The following PLCE1 variants were observed in gnomAD, a reference collection of about 807,000 sequenced individuals.
PLCE1 encodes phospholipase C epsilon 1, also known as 1-phosphatidylinositol 4,5-bisphosphate phosphodiesterase epsilon-1.
In PLCE1, 119 loss-of-function variants were observed where a neutral mutation model predicts 242.8. That is an observed-to-expected ratio of 0.49 (90% CI 0.42 to 0.57). The LOEUF (loss-of-function observed/expected upper bound fraction) is 0.57. Ranked by LOEUF, PLCE1 falls within the 20% of genes least tolerant of loss-of-function variation. The probability of loss-of-function intolerance (pLI) is 0.00; values close to 1 mark genes in which losing one functional copy is unlikely to be tolerated. For missense variants in PLCE1, 2,441 were observed against 2,788.8 expected (o/e 0.88, Z 2.81); for synonymous variants, 945 against 1,017.4 (o/e 0.93, Z 1.35).
chr10:94,322,481 T>C (rs906478551), intron 30 of PLCE1, among the ~76,000 whole-genome samples: 1 of 152,010 alleles, frequency 6.6e-6, no homozygotes, highest in African/African-American at 2.4e-5. Context: ...CAAAACCCTG[T>C]CTTTACAAAA....
intron 11 of PLCE1, among the ~76,000 whole-genome samples, chr10:94,255,910 ACACACT>A (rs1434964013): frequency 6.5e-5 from 6 of 91,964 alleles, no homozygotes; most frequent in East Asian, 7.6e-4. Context: ...ACACACACAC[ACACACT>A]CTCTCTCTCT....
chr10:94,231,990 T>C (rs1402814567), intron 5 of PLCE1, among the ~76,000 whole-genome samples: 1 of 152,224 alleles, frequency 6.6e-6, no homozygotes, highest in East Asian at 1.9e-4. Flanking sequence ...TACCATGTGA[T>C]ACTATTTACA....
chr10:94,041,431 A>G (rs781482669), intron 2 of PLCE1, among the ~76,000 whole-genome samples: 2 of 151,988 alleles, frequency 1.3e-5, no homozygotes, highest in Non-Finnish European at 2.9e-5. Flanking sequence ...AAACCCAGCA[A>G]TCCATGCTTG....
At chr10:94,271,307 T>A (rs1225976290) in intron 18 of PLCE1, among the ~76,000 whole-genome samples, 2 of 54,198 alleles carry the variant, frequency 3.7e-5, no homozygotes, top group Admixed American at 1.6e-4. Flanking sequence ...GAAGATCATC[T>A]TTTTTTTTTT....
chr10:94,151,261 G>T (rs1242199594), intron 3 of PLCE1, among the ~76,000 whole-genome samples: 1 of 152,076 alleles, frequency 6.6e-6, no homozygotes, highest in Non-Finnish European at 1.5e-5. Flanking sequence ...GTTCCATAAG[G>T]ACTCCCCTTG....
intron 3 of PLCE1, among the ~76,000 whole-genome samples, chr10:94,161,697 A>C (rs2047619443): frequency 6.6e-6 from 1 of 152,172 alleles, no homozygotes; most frequent in Non-Finnish European, 1.5e-5. Context: ...ACTATTTTGA[A>C]TATGAGTGGT....
intron 4 of PLCE1, among the ~76,000 whole-genome samples, chr10:94,176,113 T>A (rs1590186144): frequency 6.6e-6 from 1 of 152,108 alleles, no homozygotes; most frequent in Non-Finnish European, 1.5e-5. Flanking sequence ...AAGACATACT[T>A]ATTGGCTGGG....
At position 94,331,002 on chromosome 10, in the gene PLCE1, G is replaced by A. The variant is rs750356564; in HGVS notation, c.*3059G>A. ...AGCATCACTGAAAGTGAAGAGAAAGGAGCATGAATTCTGTCACTCTATTCA... is the reference window on the plus strand; with the variant it reads ...AGCATCACTGAAAGTGAAGAGAAAGAAGCATGAATTCTGTCACTCTATTCA... On this transcript the variant is annotated 3_prime_UTR_variant, in exon 33 of 33. Coordinates refer to ENST00000371380, the MANE Select transcript of PLCE1 (RefSeq NM_016341.4). The A allele has an allele frequency of 6.6e-6, 1 of 152,194 alleles. No individual in the cohort carries two copies. The highest frequency in any genetic ancestry group is 1.5e-5 in the Non-Finnish European group (1 of 68,034). The allele number at this position is 152,194 out of a possible 1,614,324, so 9.4% of individuals were successfully genotyped here.
chr10:94,171,264 A>C lies in PLCE1; in HGVS notation c.1577A>C (p.Gln526Pro). Reference protein sequence around the residue: ...AGISKELIDLQPLIQFPEEVA... With the variant: ...AGISKELIDLPPLIQFPEEVA... Reference sequence around the variant, plus strand: ...ATCAGCAAGGAGCTGATCGATCTGCAGCCTCTCATCCAGTTCCCAGAGGAA... The same window carrying C: ...ATCAGCAAGGAGCTGATCGATCTGCCGCCTCTCATCCAGTTCCCAGAGGAA... Residue 526 changes from glutamine to proline, a missense_variant, in exon 4 of 33, where the codon CAG becomes CCG. Transcript: ENST00000371380. 1 of 1,614,178 alleles carries C rather than the reference A, an allele frequency of 6.2e-7. No individual in the cohort carries two copies. The highest frequency in any genetic ancestry group is 2.2e-5 in the East Asian group (1 of 44,872).
At chr10:94,093,944 T>TC (rs1236778446) in intron 2 of PLCE1, among the ~76,000 whole-genome samples, 1 of 130,938 alleles carries the variant, frequency 7.6e-6, no homozygotes, top group African/African-American at 3.2e-5. Context: ...CTTTTTTTTT[T>TC]TTTTTTTTTT....
At position 94,254,965 on chromosome 10, in the gene PLCE1, C is replaced by T. The variant is rs768610934; in HGVS notation, c.3470C>T (p.Ser1157Phe). The change falls in exon 11 of 33, where the codon TCC becomes TTC. Residue 1157 changes from serine to phenylalanine, a missense_variant. By Grantham distance (155) the Ser-to-Phe change is radical. Around this residue, in one of 5 missense-constraint regions of PLCE1, gnomAD observed 1,004 missense variants for 1,322.7 expected, o/e 0.76. Transcript: ENST00000371380. ...GCCCACTCTTTGACCACAGCTGGGT[C>T]CCCCAACTTGGCTGCCGGGACGTCA... is the stretch of plus-strand genomic sequence containing the variant. ...RRAHSLTTAGSPNLAAGTSSP... is the reference protein window; with the variant it reads ...RRAHSLTTAGFPNLAAGTSSP... 1.4e-5 allele frequency: 22 copies of T among 1,614,124 alleles called. No individual in the cohort carries two copies. Among genetic ancestry groups the T allele is most frequent in the Non-Finnish European group, 1.8e-5 (21 of 1,179,986 alleles).
rs2060828818 is a variant in PLCE1 at position 93,996,607 on chromosome 10, ACT to A, written c.-365+2356_-365+2357del. Among the ~76,000 whole-genome samples the A allele has an allele frequency of 3.3e-5, 5 of 152,180 alleles. 1 individual carries two copies. The highest frequency in any genetic ancestry group is 1.2e-4 in the African/African-American group (5 of 41,530). On this transcript the variant is annotated intron_variant, in intron 1 of 32. Transcript: ENST00000371380. ...CATGTGGCCTACAAAGAAGGGCAGA[ACT>A]CTCTCTAGCATCATGTGTTCCTCTC...
intron 3 of PLCE1, among the ~76,000 whole-genome samples, chr10:94,168,056 A>T (rs2136289249): frequency 6.6e-6 from 1 of 152,284 alleles, no homozygotes; most frequent in South Asian, 2.1e-4. Flanking sequence ...TATTCACCAG[A>T]AACTTTCTAA....
chr10:94,161,743 A>G (rs984208971), intron 3 of PLCE1, among the ~76,000 whole-genome samples: 29 of 152,322 alleles, frequency 1.9e-4, no homozygotes, highest in African/African-American at 7.0e-4. Flanking sequence ...CAGTTTTCAA[A>G]GGGAATGCTT....
chr10:94,001,264 C>T (rs2060925361), intron 1 of PLCE1, among the ~76,000 whole-genome samples: 1 of 152,326 alleles, frequency 6.6e-6, no homozygotes, highest in South Asian at 2.1e-4. Context: ...TCTTATCTCT[C>T]TCTTCTTAGT....
At chr10:94,103,005 C>A (rs1590026757) in intron 2 of PLCE1, among the ~76,000 whole-genome samples, 1 of 152,320 alleles carries the variant, frequency 6.6e-6, no homozygotes, top group East Asian at 1.9e-4. Context: ...TAAAAGAGTT[C>A]TTGCTGGAGA....
chr10:94,324,873 A>C lies in PLCE1; in HGVS notation c.6721-19A>C. 1 of 1,612,364 alleles carries C rather than the reference A, an allele frequency of 6.2e-7. No individual in the cohort carries two copies. Among genetic ancestry groups the C allele is most frequent in the Non-Finnish European group, 8.5e-7 (1 of 1,178,594 alleles). On this transcript the variant is annotated intron_variant, in intron 31 of 32. Transcript: ENST00000371380. ...CTGAGTTTAACCTAACACCAATGGA[A>C]GGTTCTTTGTTCCCACAGGCATCTC...
At chr10:94,322,155 T>C in intron 30 of PLCE1, 96 bp downstream of exon 30, 1 of 1,192,974 alleles carries the variant, frequency 8.4e-7, no homozygotes, top group Non-Finnish European at 1.2e-6. Flanking sequence ...TGAGTGAAGT[T>C]CCTCAACAAC....
intron 4 of PLCE1, chr10:94,225,018 C>T (rs1044894166): frequency 1.3e-5 from 2 of 152,264 alleles, no homozygotes; most frequent in Non-Finnish European, 2.9e-5. Flanking sequence ...AGGGCAGAGG[C>T]ACATGCTGGG....
Sources: gnomAD v4.1 joint callset for allele counts (sites outside exome capture counted in the v4.1 genomes callset) on GRCh38, gnomAD v4.1.1 for gene constraint, gnomAD v4.1.1 regional missense constraint, MANE v1.5 for transcripts, NCBI Gene and HGNC (gene_info 2026-07-23, HGNC 2026-07-21) for gene names.